MTHFD1L: variants seen among roughly 807,000 people sequenced by gnomAD.
MTHFD1L encodes the protein monofunctional C1-tetrahydrofolate synthase, mitochondrial.
A neutral mutation model predicts 119.5 loss-of-function variants in MTHFD1L; 81 were observed. The observed-to-expected ratio is 0.68, with a 90% CI of 0.57 to 0.82. MTHFD1L has a LOEUF of 0.82. Ranked by LOEUF, MTHFD1L falls within the 40% of genes least tolerant of loss-of-function variation. The probability of loss-of-function intolerance (pLI) is 0.00; values close to 1 mark genes in which losing one functional copy is unlikely to be tolerated. For missense variants in MTHFD1L, 1,125 were observed against 1,253.4 expected, an observed-to-expected ratio of 0.90 and a Z score of 1.55; for synonymous variants, 430 against 475.2, an observed-to-expected ratio of 0.90 and a Z score of 1.24.
At chr6:151,047,703 GTTAC>G (rs1473688589) in intron 26 of MTHFD1L, among the ~76,000 whole-genome samples, 1 of 152,108 alleles carries the variant, frequency 6.6e-6, no homozygotes, top group Admixed American at 6.6e-5. Flanking sequence ...ACCCATGAAA[GTTAC>G]TTACTGTGCT....
rs182510496 is a variant in MTHFD1L at position 151,093,780 on chromosome 6, C to G, written c.*31+1193C>G. ...AACAGGTGTGTTCGGCTCTCTTGTC[C>G]CTGGACAGACACATAGCCATGGGAC... On this transcript the variant is annotated intron_variant, in intron 27 of 27. Coordinates refer to ENST00000367321, the MANE Select transcript of MTHFD1L (RefSeq NM_015440.5). Among the ~76,000 whole-genome samples, 6 of 152,236 alleles carry G rather than the reference C, an allele frequency of 3.9e-5. No individual in the cohort carries two copies. In the East Asian group the frequency reaches 1.2e-3, roughly 29 times the overall value.
At chr6:151,101,033 C>T (rs1795327418) in intron 27 of MTHFD1L, among the ~76,000 whole-genome samples, 1 of 152,100 alleles carries the variant, frequency 6.6e-6, no homozygotes, top group Non-Finnish European at 1.5e-5. Context: ...GTGGTGCACA[C>T]TTGTAATCCC....
chr6:150,959,986 A>G (rs1583808309), intron 17 of MTHFD1L, among the ~76,000 whole-genome samples: 1 of 152,292 alleles, frequency 6.6e-6, no homozygotes, highest in South Asian at 2.1e-4. Flanking sequence ...ACAGCAAACC[A>G]TGTGGTAGTG....
At chr6:150,866,729 G>A in intron 1 of MTHFD1L, 1 of 1,074,532 alleles carries the variant, frequency 9.3e-7, no homozygotes, top group Non-Finnish European at 1.1e-6. Flanking sequence ...CGGAGTCCCC[G>A]CGCAGCTGGG....
chr6:150,866,162 T>C, intron 1 of MTHFD1L, 113 bp downstream of exon 1: 1 of 1,384,516 alleles, frequency 7.2e-7, no homozygotes, highest in Non-Finnish European at 9.4e-7. Context: ...GAGTGTTTGG[T>C]GCCAACTCAT....
intron 11 of MTHFD1L, among the ~76,000 whole-genome samples, chr6:150,928,418 A>G (rs561865074): frequency 7.1e-6 from 1 of 141,486 alleles, no homozygotes; most frequent in South Asian, 2.5e-4. Context: ...CCTAGGTGAC[A>G]GAGCAAGACT....
chr6:151,054,561 C>T (rs79372491), intron 26 of MTHFD1L, among the ~76,000 whole-genome samples: 52 of 152,278 alleles, frequency 3.4e-4, no homozygotes, highest in African/African-American at 1.1e-3. Flanking sequence ...GTGCTCTCTA[C>T]GTCATTACTT....
chr6:151,079,720 C>T (rs1792938161), intron 26 of MTHFD1L, among the ~76,000 whole-genome samples: 1 of 151,724 alleles, frequency 6.6e-6, no homozygotes. Context: ...AACTCCCGAC[C>T]TCATGTGATC....
In MTHFD1L at chr6:150,951,233, T is replaced by C. The variant is rs1302054255; in HGVS notation, c.1726+2100T>C. Among the ~76,000 whole-genome samples, 4 of 151,936 alleles carry C rather than the reference T, an allele frequency of 2.6e-5. No homozygotes were observed. In the East Asian group the frequency reaches 7.8e-4, roughly 30 times the overall value. ...TTTTAGTAGAGATGGGGTTTCATCATGCTGCCCAGGCTGGTCTCAAACTCC... is the reference window on the plus strand; with the variant it reads ...TTTTAGTAGAGATGGGGTTTCATCACGCTGCCCAGGCTGGTCTCAAACTCC... On this transcript the variant is annotated intron_variant, in intron 16 of 27. Transcript: ENST00000367321.
At chr6:151,069,135 G>A (rs1005796238) in intron 26 of MTHFD1L, among the ~76,000 whole-genome samples, 6 of 152,158 alleles carry the variant, frequency 3.9e-5, no homozygotes, top group African/African-American at 1.4e-4. Flanking sequence ...GGGATGGAAT[G>A]CAGTGAGTAC....
intron 13 of MTHFD1L, among the ~76,000 whole-genome samples, chr6:150,941,762 G>A (rs1393202218): frequency 1.3e-5 from 2 of 152,142 alleles, no homozygotes; most frequent in African/African-American, 4.8e-5. Flanking sequence ...GGTGTGGGGT[G>A]TGGTGGAGGG....
chr6:151,024,016 C>T (rs978228723), intron 24 of MTHFD1L, among the ~76,000 whole-genome samples: 1 of 151,904 alleles, frequency 6.6e-6, no homozygotes, highest in Admixed American at 6.6e-5. Flanking sequence ...CCACTTAAGA[C>T]AGAAAACTAC....
At chr6:151,090,309 G>A (rs1214122949) in intron 26 of MTHFD1L, among the ~76,000 whole-genome samples, 1 of 152,196 alleles carries the variant, frequency 6.6e-6, no homozygotes, top group Non-Finnish European at 1.5e-5. Context: ...CCCTTTCCCT[G>A]TGCTGAAGGG....
intron 26 of MTHFD1L, among the ~76,000 whole-genome samples, chr6:151,043,458 G>A (rs1254042337): frequency 2.0e-5 from 3 of 151,622 alleles, no homozygotes; most frequent in Non-Finnish European, 4.4e-5. Flanking sequence ...AAGAGACTGG[G>A]GTCTCACCAT....
At chr6:150,985,521 C>T (rs1215473575) in intron 20 of MTHFD1L, among the ~76,000 whole-genome samples, 1 of 151,810 alleles carries the variant, frequency 6.6e-6, no homozygotes, top group Non-Finnish European at 1.5e-5. Flanking sequence ...ATTAGCCGGG[C>T]TTGGTAGCAT....
chr6:151,049,821 T>A (rs1375447984), intron 26 of MTHFD1L, among the ~76,000 whole-genome samples: 1 of 152,190 alleles, frequency 6.6e-6, no homozygotes, highest in Admixed American at 6.5e-5. Flanking sequence ...CCCATAAACC[T>A]TCTTACAGCC....
chr6:151,077,418 G>C (rs1792639331), intron 26 of MTHFD1L, among the ~76,000 whole-genome samples: 1 of 151,808 alleles, frequency 6.6e-6, no homozygotes, highest in Non-Finnish European at 1.5e-5. Context: ...CAAGGCAGGT[G>C]AATCACCTGA....
intron 8 of MTHFD1L, among the ~76,000 whole-genome samples, chr6:150,908,060 G>A (rs2128856787): frequency 6.8e-6 from 1 of 148,000 alleles, no homozygotes; most frequent in Admixed American, 6.6e-5. Context: ...ACCACGCCTG[G>A]CCAATTTTTT....
intron 20 of MTHFD1L, among the ~76,000 whole-genome samples, chr6:150,996,856 A>G (rs1444838037): frequency 2.0e-5 from 3 of 152,150 alleles, no homozygotes; most frequent in South Asian, 4.2e-4. Flanking sequence ...TTTATCTCTG[A>G]AAGATCCTGA....
Sources: gnomAD v4.1 joint callset for allele counts (sites outside exome capture counted in the v4.1 genomes callset) on GRCh38, gnomAD v4.1.1 for gene constraint, MANE v1.5 for transcripts, NCBI Gene and HGNC (gene_info 2026-07-23, HGNC 2026-07-21) for gene names.